SLC4A4: variants seen among roughly 807,000 people sequenced by gnomAD.
SLC4A4 encodes the protein solute carrier family 4 member 4.
A neutral mutation model predicts 111.5 loss-of-function variants in SLC4A4; 27 were observed. The ratio of observed to expected loss-of-function variants is 0.24; its 90% confidence interval spans 0.18 to 0.33. The LOEUF (loss-of-function observed/expected upper bound fraction) is 0.33. SLC4A4 is among the 10% of genes least tolerant of loss of function. SLC4A4 has a pLI of 1.00. For synonymous variants in SLC4A4, 443 were observed against 463.4 expected (o/e 0.96, Z 0.57); for missense variants, 909 against 1,315.5 (o/e 0.69, Z 4.78).
intron 2 of SLC4A4, among the ~76,000 whole-genome samples, chr4:71,142,727 T>G (rs1578518835): frequency 1.3e-5 from 2 of 150,268 alleles, no homozygotes; most frequent in African/African-American, 4.9e-5. Flanking sequence ...TGCAACTCTC[T>G]CCAGCCATTC....
chr4:71,248,453 T>G (rs1471339244), intron 2 of SLC4A4, among the ~76,000 whole-genome samples: 5 of 151,006 alleles, frequency 3.3e-5, no homozygotes, highest in African/African-American at 1.2e-4. Context: ...GATATAATTA[T>G]ATAGATATAG....
intron 4 of SLC4A4, among the ~76,000 whole-genome samples, chr4:71,341,423 TAGAA>T (rs1438200053): frequency 1.3e-5 from 2 of 152,268 alleles, no homozygotes; most frequent in South Asian, 2.1e-4. Flanking sequence ...TACATAGACT[TAGAA>T]AGAAATTCTA....
intron 2 of SLC4A4, among the ~76,000 whole-genome samples, chr4:71,133,076 T>C (rs950211887): frequency 1.5e-4 from 23 of 152,136 alleles, no homozygotes; most frequent in African/African-American, 5.3e-4. Flanking sequence ...AGGGTGAGAT[T>C]TGTAGAAATT....
chr4:71,293,392 G>C (rs1196529675), intron 3 of SLC4A4, among the ~76,000 whole-genome samples: 3 of 151,312 alleles, frequency 2.0e-5, no homozygotes, highest in Non-Finnish European at 2.9e-5. Flanking sequence ...GTGAAACCCA[G>C]TCTCTACTAA....
intron 2 of SLC4A4, among the ~76,000 whole-genome samples, chr4:71,156,214 T>C (rs1449746632): frequency 3.3e-5 from 5 of 152,202 alleles, no homozygotes; most frequent in Non-Finnish European, 5.9e-5. Context: ...TGGGTTTCCA[T>C]ATACCCTGTA....
At chr4:71,190,790 A>G (rs185143699) in intron 1 of SLC4A4, among the ~76,000 whole-genome samples, 90 of 152,358 alleles carry the variant, frequency 5.9e-4, no homozygotes, top group Admixed American at 5.0e-3. Flanking sequence ...TAATGGCTTT[A>G]CTTGCTGTGG....
chr4:71,067,016 G>A (rs1032540820), intron 1 of SLC4A4, among the ~76,000 whole-genome samples: 1 of 152,194 alleles, frequency 6.6e-6, no homozygotes, highest in Admixed American at 6.5e-5. Context: ...GGGTAGAGAT[G>A]AGGTAGTGGG....
intron 2 of SLC4A4, among the ~76,000 whole-genome samples, chr4:71,128,733 A>C (rs6447021): frequency 0.99 from 150,064 of 152,262 alleles, 73,994 homozygotes; most frequent in East Asian, 1. Context: ...AAGCAATTTG[A>C]CTGACTTGAC....
At chr4:71,564,506 G>A (rs1311013362) in intron 24 of SLC4A4, among the ~76,000 whole-genome samples, 1 of 151,734 alleles carries the variant, frequency 6.6e-6, no homozygotes, top group Non-Finnish European at 1.5e-5. Flanking sequence ...TGGTGACTAC[G>A]GTGCAATGGT....
At chr4:71,139,920 T>C (rs540073630) in intron 2 of SLC4A4, among the ~76,000 whole-genome samples, 1 of 151,790 alleles carries the variant, frequency 6.6e-6, no homozygotes, top group Non-Finnish European at 1.5e-5. Context: ...GTCACCCTAT[T>C]CTGCTATTTA....
chr4:71,300,755 A>G (rs1560390895), intron 3 of SLC4A4: 2 of 379,682 alleles, frequency 5.3e-6, no homozygotes, highest in Non-Finnish European at 5.3e-6. Flanking sequence ...CGAAGGTCTT[A>G]CAGGCCATCT....
chr4:71,392,806 A>T (rs1239618664), intron 6 of SLC4A4, among the ~76,000 whole-genome samples: 2 of 152,110 alleles, frequency 1.3e-5, no homozygotes, highest in Non-Finnish European at 2.9e-5. Flanking sequence ...TATCAAAAAG[A>T]TAATCCACCA....
At chr4:71,224,002 A>G (rs1402102171) in intron 1 of SLC4A4, among the ~76,000 whole-genome samples, 11 of 149,958 alleles carry the variant, frequency 7.3e-5, no homozygotes, top group African/African-American at 2.7e-4. Context: ...CCCCATTTTT[A>G]CCTCTCCGGA....
intron 3 of SLC4A4, among the ~76,000 whole-genome samples, chr4:71,262,881 A>G (rs980245727): frequency 6.7e-6 from 1 of 149,492 alleles, no homozygotes; most frequent in Non-Finnish European, 1.5e-5. Context: ...TTTTTGTTAT[A>G]CTTTAAGTTC....
chr4:71,320,177 T>C (rs1408644591), intron 3 of SLC4A4, among the ~76,000 whole-genome samples: 1 of 152,038 alleles, frequency 6.6e-6, no homozygotes, highest in Non-Finnish European at 1.5e-5. Flanking sequence ...TTTAATTCAT[T>C]TTCATATTAC....
At chr4:71,410,739 G>GT (rs1216996736) in intron 7 of SLC4A4, among the ~76,000 whole-genome samples, 1 of 152,000 alleles carries the variant, frequency 6.6e-6, no homozygotes, top group African/African-American at 2.4e-5. Context: ...TACTAGTGTG[G>GT]TTTTTTTGGT....
chr4:71,542,146 G>A (rs886796223), intron 18 of SLC4A4, among the ~76,000 whole-genome samples: 1 of 152,086 alleles, frequency 6.6e-6, no homozygotes, highest in Non-Finnish European at 1.5e-5. Context: ...CAACAAATGT[G>A]TCTCCAGAGT....
At chr4:71,296,771 C>G (rs983184763) in intron 3 of SLC4A4, among the ~76,000 whole-genome samples, 1 of 152,166 alleles carries the variant, frequency 6.6e-6, no homozygotes, top group Non-Finnish European at 1.5e-5. Flanking sequence ...AATCTGCTCT[C>G]TCAGTTTTTC....
intron 2 of SLC4A4, among the ~76,000 whole-genome samples, chr4:71,101,472 A>G (rs374655679): frequency 2.8e-4 from 43 of 152,332 alleles, no homozygotes; most frequent in African/African-American, 1.0e-3. Flanking sequence ...AATTACCACC[A>G]TTTACCTCCA....
Sources: allele counts gnomAD v4.1 joint callset (sites outside exome capture counted in the v4.1 genomes callset), GRCh38; gene constraint gnomAD v4.1.1; transcripts MANE v1.5; gene names NCBI Gene and HGNC (gene_info 2026-07-23, HGNC 2026-07-21).